OPCML: variants seen among roughly 807,000 people sequenced by gnomAD.
The protein encoded by OPCML is opioid-binding protein/cell adhesion molecule.
In OPCML, 13 loss-of-function variants were observed where a neutral mutation model predicts 37.8. The ratio of observed to expected loss-of-function variants is 0.34; its 90% confidence interval spans 0.22 to 0.55. The LOEUF (loss-of-function observed/expected upper bound fraction) is 0.55. Among genes scored for constraint, OPCML ranks in the 20% least tolerant of loss-of-function variants. OPCML has a pLI of 0.91. For synonymous variants in OPCML, 176 were observed against 168.8 expected (o/e 1.04, Z -0.33); for missense variants, 341 against 435.6 (o/e 0.78, Z 1.93).
intron 1 of OPCML, among the ~76,000 whole-genome samples, chr11:133,167,089 C>G (rs1950217849): frequency 6.6e-6 from 1 of 152,076 alleles, no homozygotes; most frequent in South Asian, 2.1e-4. Context: ...AAGAGAATGT[C>G]CTGAGAAAGC....
At chr11:133,422,923 A>T in intron 1 of OPCML, 5 of 983,686 alleles carry the variant, frequency 5.1e-6, no homozygotes, top group Non-Finnish European at 6.0e-6. Flanking sequence ...AATAGCTGGT[A>T]GCAGAACTGG....
chr11:133,430,011 G>A (rs1328313731), intron 1 of OPCML, among the ~76,000 whole-genome samples: 1 of 152,158 alleles, frequency 6.6e-6, no homozygotes, highest in Non-Finnish European at 1.5e-5. Flanking sequence ...CATGGGCAGA[G>A]GCCTAGGTCC....
chr11:132,972,788 G>A (rs1469150740), intron 1 of OPCML, among the ~76,000 whole-genome samples: 1 of 152,166 alleles, frequency 6.6e-6, no homozygotes, highest in Non-Finnish European at 1.5e-5. Context: ...AGTGAGTTCT[G>A]TGATCTTCAT....
chr11:132,584,431 T>C (rs1468174906), intron 3 of OPCML, among the ~76,000 whole-genome samples: 1 of 152,234 alleles, frequency 6.6e-6, no homozygotes, highest in Non-Finnish European at 1.5e-5. Context: ...AATTATTCCT[T>C]CATTTGCACT....
At chr11:132,466,465 C>T (rs1170364430) in intron 4 of OPCML, among the ~76,000 whole-genome samples, 1 of 148,236 alleles carries the variant, frequency 6.7e-6, no homozygotes, top group African/African-American at 2.5e-5. Context: ...GCCTGGGCGA[C>T]ACAGCGAGAC....
chr11:132,446,760 C>A (rs1565569803), intron 4 of OPCML, among the ~76,000 whole-genome samples: 1 of 151,924 alleles, frequency 6.6e-6, no homozygotes, highest in Non-Finnish European at 1.5e-5. Flanking sequence ...TAAAAAAAAA[C>A]CTTCATAATT....
At chr11:133,104,644 T>C (rs1163945435) in intron 1 of OPCML, among the ~76,000 whole-genome samples, 2 of 152,202 alleles carry the variant, frequency 1.3e-5, no homozygotes, top group African/African-American at 4.8e-5. Context: ...TGAACTAATC[T>C]TGATTCTGAC....
At chr11:132,763,891 G>T (rs1267986943) in intron 2 of OPCML, among the ~76,000 whole-genome samples, 1 of 152,182 alleles carries the variant, frequency 6.6e-6, no homozygotes, top group Non-Finnish European at 1.5e-5. Context: ...AACTCATTTT[G>T]CTCACAAACA....
intron 3 of OPCML, among the ~76,000 whole-genome samples, chr11:132,614,433 T>A (rs1338076058): frequency 6.6e-6 from 1 of 152,186 alleles, no homozygotes; most frequent in Non-Finnish European, 1.5e-5. Context: ...TGCTTGAGGC[T>A]CCATAGCAGT....
chr11:132,454,875 T>C (rs997972966), intron 4 of OPCML, among the ~76,000 whole-genome samples: 18 of 152,174 alleles, frequency 1.2e-4, no homozygotes, highest in Non-Finnish European at 2.6e-4. Context: ...AAAATGTCAA[T>C]TTATTTTTTT....
intron 1 of OPCML, among the ~76,000 whole-genome samples, chr11:133,406,469 A>G (rs60161572): frequency 0.03 from 4,604 of 152,302 alleles, 197 homozygotes; most frequent in African/African-American, 0.1. Context: ...GACCACAGCT[A>G]GGGCTGACCC....
intron 1 of OPCML, among the ~76,000 whole-genome samples, chr11:133,125,284 C>T (rs1949483395): frequency 6.6e-6 from 1 of 151,982 alleles, no homozygotes; most frequent in South Asian, 2.1e-4. Context: ...GTTAATTAAT[C>T]AAAGCCATTC....
chr11:133,507,911 C>A (rs539433949), intron 1 of OPCML, among the ~76,000 whole-genome samples: 1 of 149,456 alleles, frequency 6.7e-6, no homozygotes, highest in Non-Finnish European at 1.5e-5. Flanking sequence ...CACACCACTG[C>A]ACTCCAGACT....
At chr11:133,031,687 A>G (rs1242253410) in intron 1 of OPCML, among the ~76,000 whole-genome samples, 1 of 152,104 alleles carries the variant, frequency 6.6e-6, no homozygotes, top group Non-Finnish European at 1.5e-5. Context: ...AAGTGGCTAT[A>G]GGTTTCACTT....
chr11:132,984,759 T>C (rs1231723357), intron 1 of OPCML, among the ~76,000 whole-genome samples: 1 of 152,208 alleles, frequency 6.6e-6, no homozygotes, highest in Non-Finnish European at 1.5e-5. Flanking sequence ...CAGCAACAGC[T>C]TGAAGACACT....
Position 132,871,187 on chromosome 11 carries a change from G to A in OPCML, c.146+71739C>T, listed in dbSNP as rs541034909. On this transcript the variant is annotated intron_variant, in intron 2 of 7. Transcript: ENST00000524381. ...AAGATAAATATGTACATGTTCACTC[G>A]TTAATTAAAATTTTTTAACTTAATT... Among the ~76,000 whole-genome samples, 19 of 148,986 alleles carry A rather than the reference G, an allele frequency of 1.3e-4. No homozygotes were observed. The South Asian group carries it at 1.7e-3, about 13-fold the overall frequency.
intron 1 of OPCML, chr11:133,003,769 A>G (rs1311394918): frequency 1.0e-6 from 1 of 985,306 alleles, no homozygotes. Flanking sequence ...AATTCTGAGC[A>G]GTGGATTACC....
intron 1 of OPCML, among the ~76,000 whole-genome samples, chr11:132,969,315 G>A (rs994871942): frequency 7.9e-5 from 12 of 152,136 alleles, no homozygotes; most frequent in African/African-American, 2.9e-4. Context: ...GAGAGTCCTT[G>A]TATGTGATAA....
At chr11:132,714,860 A>G (rs1944409041) in intron 2 of OPCML, among the ~76,000 whole-genome samples, 2 of 152,168 alleles carry the variant, frequency 1.3e-5, no homozygotes, top group African/African-American at 4.8e-5. Context: ...AGCTAGGATG[A>G]TGTGGAAGAT....
Sources: gnomAD v4.1 joint callset for allele counts (sites outside exome capture counted in the v4.1 genomes callset) on GRCh38, gnomAD v4.1.1 for gene constraint, MANE v1.5 for transcripts, NCBI Gene and HGNC (gene_info 2026-07-23, HGNC 2026-07-21) for gene names.